GPR39: variants seen among roughly 807,000 people sequenced by gnomAD.
GPR39 encodes zinc sensing receptor.
In GPR39, 23 loss-of-function variants were observed where a neutral mutation model predicts 18.4. The ratio of observed to expected loss-of-function variants is 1.25; its 90% CI spans 0.90 to 1.77. The LOEUF is 1.77. Ranked by LOEUF, GPR39 falls within the 40% of genes most tolerant of loss-of-function variation. The pLI is 0.00. For missense variants in GPR39, 647 were observed against 602.4 expected, an observed-to-expected ratio of 1.07 and a Z score of -0.78; for synonymous variants, 280 against 257.9, an observed-to-expected ratio of 1.09 and a Z score of -0.82.
chr2:132,557,343 T>C (rs1680170997), intron 1 of GPR39, among the ~76,000 whole-genome samples: 1 of 152,074 alleles, frequency 6.6e-6, no homozygotes, highest in Admixed American at 6.5e-5. Context: ...CCTTAACTTG[T>C]AGGATTTTTT....
intron 1 of GPR39, among the ~76,000 whole-genome samples, chr2:132,607,812 C>T (rs1384511824): frequency 6.6e-6 from 1 of 152,138 alleles, no homozygotes; most frequent in African/African-American, 2.4e-5. Context: ...AGAGGTAGCG[C>T]TTTGATTTTT....
chr2:132,558,712 G>C (rs1054260360), intron 1 of GPR39, among the ~76,000 whole-genome samples: 1 of 152,152 alleles, frequency 6.6e-6, no homozygotes, highest in Non-Finnish European at 1.5e-5. Context: ...CCTGGGTTCT[G>C]GAAGGTTATT....
At chr2:132,532,573 G>A (rs2104777101) in intron 1 of GPR39, among the ~76,000 whole-genome samples, 1 of 152,308 alleles carries the variant, frequency 6.6e-6, no homozygotes, top group Non-Finnish European at 1.5e-5. Context: ...TATCCTTGAT[G>A]AACATTGATG....
chr2:132,611,456 T>C (rs569209788), intron 1 of GPR39, among the ~76,000 whole-genome samples: 1 of 152,318 alleles, frequency 6.6e-6, no homozygotes, highest in Admixed American at 6.5e-5. Context: ...ACAGAGCAAG[T>C]GCAAATTTAG....
chr2:132,530,208 G>A (rs1174666526), intron 1 of GPR39, among the ~76,000 whole-genome samples: 1 of 152,164 alleles, frequency 6.6e-6, no homozygotes, highest in Non-Finnish European at 1.5e-5. Flanking sequence ...TGTGACAAAT[G>A]CACAAGCCTC....
intron 1 of GPR39, among the ~76,000 whole-genome samples, chr2:132,458,074 C>T (rs1680764520): frequency 6.6e-6 from 1 of 152,164 alleles, no homozygotes; most frequent in South Asian, 2.1e-4. Context: ...ATCTCCTGAC[C>T]CCTTGCACAT....
chr2:132,612,791 A>G (rs531474708), intron 1 of GPR39, among the ~76,000 whole-genome samples: 1 of 152,328 alleles, frequency 6.6e-6, no homozygotes, highest in African/African-American at 2.4e-5. Context: ...CATCTTAAAC[A>G]CTATTTTGGC....
At chr2:132,510,875 G>A (rs956668293) in intron 1 of GPR39, among the ~76,000 whole-genome samples, 6 of 152,106 alleles carry the variant, frequency 3.9e-5, no homozygotes, top group South Asian at 2.1e-4. Flanking sequence ...CTATCTGTAC[G>A]TAGTATATAA....
intron 1 of GPR39, among the ~76,000 whole-genome samples, chr2:132,581,047 T>TAA (rs1250257378): frequency 2.1e-5 from 3 of 139,986 alleles, no homozygotes; most frequent in Admixed American, 7.2e-5. Flanking sequence ...GTATAAAGAT[T>TAA]AAAAAAAAAA....
At chr2:132,467,630 G>T (rs1397279593) in intron 1 of GPR39, among the ~76,000 whole-genome samples, 1 of 152,164 alleles carries the variant, frequency 6.6e-6, no homozygotes, top group Non-Finnish European at 1.5e-5. Context: ...AAATGCTGCA[G>T]ACACAATCTC....
intron 1 of GPR39, among the ~76,000 whole-genome samples, chr2:132,449,504 C>T (rs1680597751): frequency 6.6e-6 from 1 of 152,180 alleles, no homozygotes; most frequent in Non-Finnish European, 1.5e-5. Context: ...GCCTCAGCCT[C>T]CCAAAGTGCT....
chr2:132,624,147 TG>T (rs1431766610), intron 1 of GPR39, among the ~76,000 whole-genome samples: 1 of 152,104 alleles, frequency 6.6e-6, no homozygotes, highest in Non-Finnish European at 1.5e-5. Flanking sequence ...AAGATCAAGG[TG>T]TCGGTAGGGT....
At chr2:132,575,535 C>T (rs1573676517) in intron 1 of GPR39, among the ~76,000 whole-genome samples, 1 of 152,154 alleles carries the variant, frequency 6.6e-6, no homozygotes, top group South Asian at 2.1e-4. Flanking sequence ...AAACTGTTTT[C>T]CAGAGTGGTT....
In GPR39 at chr2:132,430,917, T is replaced by C. The variant is rs138778710; in HGVS notation, c.856+13019T>C. 4.1e-3 allele frequency among the ~76,000 whole-genome samples: 630 copies of C among 152,298 alleles called. 5 individuals are homozygous for C. The highest frequency in any genetic ancestry group is 0.014 in the African/African-American group (587 of 41,564). ...ACTTTCCCCAGATTCTATTCTCTCT[T>C]ATATCCCTGGACTTCCCCTTCCCCC... On this transcript the variant is annotated intron_variant, in intron 1 of 1. Transcript: ENST00000329321.
At chr2:132,565,346 C>T (rs12624113) in intron 1 of GPR39, among the ~76,000 whole-genome samples, 44,461 of 150,918 alleles carry the variant, frequency 0.29, 7,316 homozygotes, top group East Asian at 0.77. Flanking sequence ...CTCCCAATAG[C>T]CTTTGTCTCA....
At chr2:132,496,846 C>G (rs1304583805) in intron 1 of GPR39, among the ~76,000 whole-genome samples, 1 of 152,194 alleles carries the variant, frequency 6.6e-6, no homozygotes, top group Non-Finnish European at 1.5e-5. Flanking sequence ...GATTAGGGAG[C>G]TCTGATGGCT....
intron 1 of GPR39, among the ~76,000 whole-genome samples, chr2:132,616,696 C>T (rs1398340567): frequency 6.6e-6 from 1 of 152,164 alleles, no homozygotes; most frequent in Non-Finnish European, 1.5e-5. Context: ...AGCATGAGCT[C>T]CTTGAGGGCC....
intron 1 of GPR39, among the ~76,000 whole-genome samples, chr2:132,580,145 G>A (rs1429182118): frequency 6.6e-6 from 1 of 152,182 alleles, no homozygotes; most frequent in Admixed American, 6.5e-5. Flanking sequence ...ACTTTAGGAT[G>A]GTATGTAAAG....
intron 1 of GPR39, among the ~76,000 whole-genome samples, chr2:132,472,933 C>A (rs902942105): frequency 3.3e-5 from 5 of 151,982 alleles, no homozygotes; most frequent in Non-Finnish European, 5.9e-5. Context: ...TAGGTCTGCC[C>A]TGAGAGTCTC....
Sources: allele counts gnomAD v4.1 joint callset (sites outside exome capture counted in the v4.1 genomes callset), GRCh38; gene constraint gnomAD v4.1.1; transcripts MANE v1.5; gene names NCBI Gene and HGNC (gene_info 2026-07-23, HGNC 2026-07-21).